The following RAI14 variants were observed in gnomAD, a reference collection of about 807,000 sequenced individuals.
RAI14 encodes the protein retinoic acid induced 14, also known as ankycorbin.
Under a neutral mutation model 115.4 loss-of-function variants are expected in RAI14, and 45 were observed. The observed-to-expected ratio is 0.39, with a 90% CI of 0.31 to 0.50. The LOEUF is 0.50. Ranked by LOEUF, RAI14 falls within the 20% of genes least tolerant of loss-of-function variation. RAI14 has a pLI of 0.85. For missense variants in RAI14, 939 were observed against 1,131.2 expected (o/e 0.83, Z 2.44); for synonymous variants, 371 against 415.4 (o/e 0.89, Z 1.30).
chr5:34,822,991 C>G lies in RAI14; in HGVS notation c.1149C>G (p.Ser383Arg). ...KSPKEAEADL[S>R]FDSYHSTQTD... The stretch of plus-strand genomic sequence containing the variant: ...CCAAGGAGGCGGAAGCAGACCTAAG[C>G]TTTGACTCATACCATTCCACCCAAA... The change falls in exon 15 of 18, where the codon AGC (serine) becomes AGG (arginine). Residue 383 changes from serine to arginine, a missense_variant. By Grantham distance (110) the Ser-to-Arg change is moderately radical. Transcript: ENST00000265109. 1 of 1,613,828 alleles carries G rather than the reference C, an allele frequency of 6.2e-7. No homozygotes were observed. The highest frequency in any genetic ancestry group is 8.5e-7 in the Non-Finnish European group (1 of 1,179,922).
chr5:34,783,697 C>T (rs190371249), intron 3 of RAI14, among the ~76,000 whole-genome samples: 7 of 152,274 alleles, frequency 4.6e-5, no homozygotes, highest in Admixed American at 4.6e-4. Flanking sequence ...TTAGCTCTTG[C>T]AACTGCTGTT....
chr5:34,739,012 G>A (rs1745182199), intron 2 of RAI14, among the ~76,000 whole-genome samples: 1 of 152,174 alleles, frequency 6.6e-6, no homozygotes, highest in South Asian at 2.1e-4. Flanking sequence ...CATCTGTGCT[G>A]TAGACAGTCT....
intron 3 of RAI14, among the ~76,000 whole-genome samples, chr5:34,793,789 T>C (rs1005312982): frequency 6.6e-6 from 1 of 152,152 alleles, no homozygotes; most frequent in East Asian, 1.9e-4. Context: ...GGAGATGGCA[T>C]AGTGAACAGC....
chr5:34,822,068 TAGTATGATC>T (rs1219011042), intron 14 of RAI14, among the ~76,000 whole-genome samples: 1 of 150,594 alleles, frequency 6.6e-6, no homozygotes, highest in African/African-American at 2.4e-5. Flanking sequence ...ATTATACACA[TAGTATGATC>T]AGTATTAAAT....
chr5:34,789,468 G>A (rs899844340), intron 3 of RAI14, among the ~76,000 whole-genome samples: 18 of 152,194 alleles, frequency 1.2e-4, no homozygotes, highest in African/African-American at 3.9e-4. Flanking sequence ...GTGCCAAAAC[G>A]TTAGCTGCTC....
chr5:34,720,236 A>G (rs1742496104), intron 2 of RAI14, among the ~76,000 whole-genome samples: 1 of 152,150 alleles, frequency 6.6e-6, no homozygotes, highest in African/African-American at 2.4e-5. Context: ...AAAAGAATGG[A>G]CACATAATTT....
At chr5:34,762,929 ATGTGTGTGTGTGTGTGTGTGTGTG>A (rs34495404) in intron 3 of RAI14, among the ~76,000 whole-genome samples, 21 of 129,036 alleles carry the variant, frequency 1.6e-4, no homozygotes, top group African/African-American at 4.7e-4. Context: ...GAGTGTGTGC[ATGTGTGTGTGTGTGTGTGTGTGTG>A]TGTGTGTGTG....
intron 2 of RAI14, among the ~76,000 whole-genome samples, chr5:34,747,184 A>G (rs1746380969): frequency 6.6e-6 from 1 of 152,238 alleles, no homozygotes; most frequent in African/African-American, 2.4e-5. Context: ...GGAGAGAACC[A>G]ACTATATTGT....
chr5:34,662,853 T>G (rs1355010541), intron 1 of RAI14, among the ~76,000 whole-genome samples: 2 of 150,128 alleles, frequency 1.3e-5, no homozygotes, highest in African/African-American at 4.9e-5. Flanking sequence ...CTCAGCCTCC[T>G]GAGTAGCTGG....
At chr5:34,772,241 C>T (rs1003059033) in intron 3 of RAI14, among the ~76,000 whole-genome samples, 5 of 152,058 alleles carry the variant, frequency 3.3e-5, no homozygotes, top group Non-Finnish European at 5.9e-5. Flanking sequence ...CAAATGGTGC[C>T]GTTTCTCAGT....
intron 3 of RAI14, among the ~76,000 whole-genome samples, chr5:34,782,139 G>A (rs890770355): frequency 3.3e-5 from 5 of 152,164 alleles, no homozygotes; most frequent in South Asian, 2.1e-4. Context: ...CCTTATTTCG[G>A]TAAACCCACA....
At chr5:34,747,501 A>G (rs1746438341) in intron 2 of RAI14, among the ~76,000 whole-genome samples, 1 of 152,240 alleles carries the variant, frequency 6.6e-6, no homozygotes, top group Admixed American at 6.5e-5. Flanking sequence ...TATGCCAAGC[A>G]CTTCACATAG....
intron 3 of RAI14, among the ~76,000 whole-genome samples, chr5:34,772,000 C>T (rs1750226458): frequency 6.6e-6 from 1 of 151,972 alleles, no homozygotes; most frequent in African/African-American, 2.4e-5. Context: ...TCTCAACCTC[C>T]TAGGCTTAAG....
At chr5:34,816,794 A>G (rs1309815706) in intron 12 of RAI14, among the ~76,000 whole-genome samples, 1 of 152,166 alleles carries the variant, frequency 6.6e-6, no homozygotes, top group Non-Finnish European at 1.5e-5. Flanking sequence ...ATACTCTTAT[A>G]GTTAGTACGA....
intron 1 of RAI14, among the ~76,000 whole-genome samples, chr5:34,658,093 C>T (rs1273246232): frequency 1.3e-5 from 2 of 152,154 alleles, no homozygotes; most frequent in Non-Finnish European, 2.9e-5. Context: ...GTTTTCATCT[C>T]CATTCACTGA....
At position 34,808,579 on chromosome 5, in the gene RAI14, C is replaced by T. The variant is rs1382870663; in HGVS notation, c.380-5C>T. On this transcript the variant is annotated splice_region_variant and splice_polypyrimidine_tract_variant and intron_variant, in intron 6 of 17. Transcript: ENST00000265109. Reference sequence around the variant, plus strand: ...GCTGTGGTATTTATATTTTCCTTCCCCCAGCGGCTCAGGGCTGCCTTCAAG... The same window carrying T: ...GCTGTGGTATTTATATTTTCCTTCCTCCAGCGGCTCAGGGCTGCCTTCAAG... 5 of 1,613,984 alleles carry T rather than the reference C, an allele frequency of 3.1e-6. No homozygotes were observed. The highest frequency in any genetic ancestry group is 2.2e-5 in the East Asian group (1 of 44,880).
At chr5:34,769,440 G>A (rs1749864372) in intron 3 of RAI14, among the ~76,000 whole-genome samples, 1 of 152,144 alleles carries the variant, frequency 6.6e-6, no homozygotes, top group Non-Finnish European at 1.5e-5. Flanking sequence ...AATCTGAAAT[G>A]GGAATCCAGA....
intron 2 of RAI14, among the ~76,000 whole-genome samples, chr5:34,702,825 G>A (rs1253643698): frequency 6.6e-6 from 1 of 152,158 alleles, no homozygotes; most frequent in Non-Finnish European, 1.5e-5. Flanking sequence ...TCCTGCCTCA[G>A]CCTCCCAAGT....
chr5:34,741,495 T>C (rs923744315), intron 2 of RAI14, among the ~76,000 whole-genome samples: 1 of 152,216 alleles, frequency 6.6e-6, no homozygotes, highest in Non-Finnish European at 1.5e-5. Flanking sequence ...TTATGCCTAG[T>C]TGGCAGAGAG....
Sources: gnomAD v4.1 joint callset for allele counts (sites outside exome capture counted in the v4.1 genomes callset) on GRCh38, gnomAD v4.1.1 for gene constraint, MANE v1.5 for transcripts, NCBI Gene and HGNC (gene_info 2026-07-23, HGNC 2026-07-21) for gene names.